Variants in YAE1 observed in about 807,000 individuals in gnomAD.
YAE1 encodes the protein protein YAE1 homolog.
YAE1 carries 22 observed loss-of-function variants against 23.0 expected under a neutral mutation model. The observed-to-expected ratio is 0.96, with a 90% confidence interval of 0.68 to 1.37. The LOEUF is 1.37. YAE1 is among the 40% of genes most tolerant of loss of function. The pLI, the probability that YAE1 is intolerant of heterozygous loss-of-function variation, is 0.00. For missense variants in YAE1, 260 were observed against 262.1 expected (o/e 0.99, Z 0.06); for synonymous variants, 101 against 97.0 (o/e 1.04, Z -0.24).
intron 2 of YAE1, among the ~76,000 whole-genome samples, chr7:39,603,357 C>G (rs1311555152): frequency 6.6e-6 from 1 of 152,146 alleles, no homozygotes; most frequent in Non-Finnish European, 1.5e-5. Flanking sequence ...CCAGGATGGT[C>G]TCAATCTTCT....
rs369876178 is a variant in YAE1, at chr7:39,609,098, G to A, written c.252-519G>A. On this transcript the variant is annotated intron_variant, in intron 2 of 2. Coordinates refer to the YAE1 transcript ENST00000432096. ...TCACCTTTTCTTTGCACTCCAGCCC[G>A]CCAGCCCCTTTAATGTGCTATCCAA... Among the ~76,000 whole-genome samples the A allele has an allele frequency of 1.9e-4, 29 of 152,168 alleles. No homozygotes were observed. In the South Asian group the frequency reaches 5.6e-3, roughly 29 times the overall value.
chr7:39,575,538 GA>G (rs1343826979), downstream of YAE1, among the ~76,000 whole-genome samples: 3 of 7,396 alleles, frequency 4.1e-4, no homozygotes, highest in Non-Finnish European at 7.0e-4. Context: ...TAAGATACAG[GA>G]GAGAGAGAGA....
intron 2 of YAE1, among the ~76,000 whole-genome samples, chr7:39,602,302 C>T (rs1224922929): frequency 6.6e-6 from 1 of 152,188 alleles, no homozygotes; most frequent in Admixed American, 6.5e-5. Flanking sequence ...CAGCCCAATG[C>T]AGCCGATAGA....
downstream of YAE1, among the ~76,000 whole-genome samples, chr7:39,574,249 G>T (rs2115781723): frequency 6.6e-6 from 1 of 152,350 alleles, no homozygotes; most frequent in African/African-American, 2.4e-5. Context: ...AGGAGAATTA[G>T]CTAGTTGAGA....
chr7:39,598,540 G>A (rs2115836685), intron 2 of YAE1, among the ~76,000 whole-genome samples: 1 of 152,034 alleles, frequency 6.6e-6, no homozygotes, highest in African/African-American at 2.4e-5. Context: ...CCTTCGGTAG[G>A]CCAAGAAGGG....
At position 39,572,344 on chromosome 7, in the gene YAE1, C is replaced by G. The variant is rs1790582700; in HGVS notation, c.319C>G (p.Leu107Val). Reference sequence around the variant, plus strand: ...TTTGATCAATAAAATAAACAATCTTCTGGATGCAGTTGGCCAGTGTGAAGA... The same window carrying G: ...TTTGATCAATAAAATAAACAATCTTGTGGATGCAGTTGGCCAGTGTGAAGA... ...STLINKINNL[L>V]DAVGQCEEYV... The change falls in exon 3 of 3, where the codon CTG becomes GTG. Residue 107 changes from leucine to valine, a missense_variant. By Grantham distance (32) the Leu-to-Val change is conservative (BLOSUM62 1). Transcript: ENST00000223273. 6.2e-7 allele frequency: 1 copy of G among 1,614,048 alleles called. No homozygotes were observed.
At chr7:39,583,121 T>C (rs1268271451) in intron 2 of YAE1, among the ~76,000 whole-genome samples, 1 of 152,196 alleles carries the variant, frequency 6.6e-6, no homozygotes, top group Non-Finnish European at 1.5e-5. Flanking sequence ...AAAAATTGAG[T>C]AAATTATTAT....
intron 2 of YAE1, among the ~76,000 whole-genome samples, chr7:39,598,889 CT>C (rs57463109): frequency 0.077 from 11,490 of 148,864 alleles, 957 homozygotes; most frequent in African/African-American, 0.2. Flanking sequence ...AAAGGAAAGA[CT>C]TTTTTTTTTC....
rs34516389 is a variant in YAE1 at position 39,603,146 on chromosome 7, A to ATTTGTTTG, written c.252-6459_252-6452dup. On this transcript the variant is annotated intron_variant, in intron 2 of 2. Transcript: ENST00000432096. ...AGCAGAGCATGTGATGAGTTTGTTT[A>ATTTGTTTG]TTTGTTTGTTTGTTTGTTTTTGAGA... Among the ~76,000 whole-genome samples, 79 of 151,078 alleles carry ATTTGTTTG rather than the reference A, an allele frequency of 5.2e-4. 1 individual carries two copies. Among genetic ancestry groups the ATTTGTTTG allele is most frequent in the Middle Eastern group, 6.9e-3 (2 of 288 alleles).
chr7:39,600,648 C>T (rs1791042033), intron 2 of YAE1, among the ~76,000 whole-genome samples: 3 of 152,260 alleles, frequency 2.0e-5, no homozygotes, highest in East Asian at 1.9e-4. Flanking sequence ...CCACCCGCCT[C>T]GGCCTCCCAA....
chr7:39,570,066 C>T lies in YAE1; in HGVS notation c.130-440C>T, dbSNP rs966361084. On this transcript the variant is annotated intron_variant, in intron 1 of 2. Transcript: ENST00000223273. ...GCATAAAATTGTATCATCCAGCCTCCTTCCAGCAGCTCTCTCCAGTTCTTG... is the reference window on the plus strand; with the variant it reads ...GCATAAAATTGTATCATCCAGCCTCTTTCCAGCAGCTCTCTCCAGTTCTTG... The T allele has an allele frequency of 7.0e-5, 87 of 1,237,246 alleles. No individual in the cohort carries two copies. In the African/African-American group the frequency reaches 1.1e-3, roughly 15 times the overall value. 76.6% of individuals were successfully genotyped at this position (1,237,246 alleles called of 1,614,324 possible).
rs1583665803 is a variant in YAE1, at chr7:39,566,567, C to T, written c.129+20C>T. On this transcript the variant is annotated intron_variant, in intron 1 of 2. Transcript: ENST00000223273. The stretch of plus-strand genomic sequence containing the variant: ...GTCAAAGTAAACGTGGTGTGGACGG[C>T]GCGGGGTGCTGGGTTGTGGGAAGAG... 3 of 1,612,650 alleles carry T rather than the reference C, an allele frequency of 1.9e-6. No individual in the cohort carries two copies. Among genetic ancestry groups the T allele is most frequent in the Non-Finnish European group, 2.5e-6 (3 of 1,179,346 alleles).
chr7:39,581,210 A>C (rs1790737055), intron 2 of YAE1, among the ~76,000 whole-genome samples: 1 of 152,230 alleles, frequency 6.6e-6, no homozygotes, highest in Admixed American at 6.5e-5. Flanking sequence ...CATCAAATAC[A>C]ACTCTAGAAT....
At chr7:39,612,083 T>G (rs1478865206), downstream of YAE1, among the ~76,000 whole-genome samples, 1 of 151,334 alleles carries the variant, frequency 6.6e-6, no homozygotes, top group African/African-American at 2.4e-5. Context: ...ATAAATTACT[T>G]AAGTTATTTG....
At chr7:39,567,620 G>T (rs1347833875) in intron 1 of YAE1, among the ~76,000 whole-genome samples, 5 of 151,768 alleles carry the variant, frequency 3.3e-5, no homozygotes, top group Admixed American at 6.6e-5. Context: ...TTGTTTTTTG[G>T]TTTTTTTAAT....
intron 2 of YAE1, among the ~76,000 whole-genome samples, chr7:39,583,566 T>G (rs1790775592): frequency 6.6e-6 from 1 of 152,234 alleles, no homozygotes; most frequent in Non-Finnish European, 1.5e-5. Flanking sequence ...CAGAATTTAT[T>G]TGGTTCTCCA....
chr7:39,586,394 A>G lies in YAE1; in HGVS notation c.251+15767A>G, dbSNP rs369180136. Reference sequence around the variant, plus strand: ...TCACCGTGTTAGTCAGGATGGTCTCAATCTCCTGACCTGGTGATCCGCCCG... The same window carrying G: ...TCACCGTGTTAGTCAGGATGGTCTCGATCTCCTGACCTGGTGATCCGCCCG... On this transcript the variant is annotated intron_variant, in intron 2 of 2. Transcript: ENST00000432096. 1.4e-4 allele frequency among the ~76,000 whole-genome samples: 20 copies of G among 145,552 alleles called. No individual in the cohort carries two copies. The East Asian group carries it at 3.3e-3, about 24-fold the overall frequency.
chr7:39,611,353 A>G (rs1186491491), downstream of YAE1, among the ~76,000 whole-genome samples: 1 of 152,198 alleles, frequency 6.6e-6, no homozygotes, highest in Non-Finnish European at 1.5e-5. Context: ...TGCTTACCTC[A>G]TTCACACAAT....
chr7:39,580,709 C>T (rs975204909), intron 2 of YAE1, among the ~76,000 whole-genome samples: 3 of 152,178 alleles, frequency 2.0e-5, no homozygotes, highest in African/African-American at 7.2e-5. Context: ...ATCCCTAAAG[C>T]TATACCAGAC....
Sources: allele counts gnomAD v4.1 joint callset (sites outside exome capture counted in the v4.1 genomes callset), GRCh38; gene constraint gnomAD v4.1.1; transcripts MANE v1.5; gene names NCBI Gene and HGNC (gene_info 2026-07-23, HGNC 2026-07-21).